FAM174B: variants seen among roughly 807,000 people sequenced by gnomAD.
FAM174B encodes membrane protein FAM174B.
Under a neutral mutation model 10.9 loss-of-function variants are expected in FAM174B, and 12 were observed. That is an observed-to-expected ratio of 1.10 (90% CI 0.71 to 1.79). The LOEUF (loss-of-function observed/expected upper bound fraction) is 1.79, where lower values mean the gene tolerates loss of function less well. Ranked by LOEUF, FAM174B falls within the 40% of genes most tolerant of loss-of-function variation. The pLI is 0.00. For synonymous variants in FAM174B, 132 were observed against 115.8 expected, an observed-to-expected ratio of 1.14 and a Z score of -0.90; for missense variants, 266 against 233.3, an observed-to-expected ratio of 1.14 and a Z score of -0.91.
chr15:92,641,797 G>GA (rs1414111523), intron 1 of FAM174B, among the ~76,000 whole-genome samples: 1 of 151,876 alleles, frequency 6.6e-6, no homozygotes, highest in Non-Finnish European at 1.5e-5. Flanking sequence ...AGCAACAAAA[G>GA]AAAAAACTAG....
In FAM174B at chr15:92,655,403, CGGA is replaced by C. The variant is rs764461501; in HGVS notation, c.254_256del (p.Leu85del). The C allele has an allele frequency of 2.1e-5, 33 of 1,600,054 alleles. No homozygotes were observed. The highest frequency in any genetic ancestry group is 2.6e-5 in the Non-Finnish European group (31 of 1,174,414). ...GGCTGCCTTGAGGGTGGGTAGGTCGCGGAGGAGGATGGAAATGCGGGTCACCAA... is the reference window on the plus strand; with the variant it reads ...GGCTGCCTTGAGGGTGGGTAGGTCGCGGAGGATGGAAATGCGGGTCACCAA... On this transcript the variant is annotated inframe_deletion, in exon 1 of 3. Coordinates refer to ENST00000327355, the MANE Select transcript of FAM174B (RefSeq NM_207446.3).
At chr15:92,634,237 T>C (rs1277294119) in intron 1 of FAM174B, 1 of 152,234 alleles carries the variant, frequency 6.6e-6, no homozygotes, top group Non-Finnish European at 1.5e-5. Context: ...TGAGGAGTCA[T>C]AGTCATGTTT....
chr15:92,642,487 G>C (rs2050898142), intron 1 of FAM174B, among the ~76,000 whole-genome samples: 1 of 152,204 alleles, frequency 6.6e-6, no homozygotes, highest in African/African-American at 2.4e-5. Context: ...CCCATGTGTT[G>C]TGAGAGGGAC....
At position 92,618,744 on chromosome 15, in the gene FAM174B, GCACA is replaced by G. The variant is rs10557124; in HGVS notation, c.*708_*711del. 226 of 150,378 alleles carry G rather than the reference GCACA, an allele frequency of 1.5e-3. No individual in the cohort carries two copies. Among genetic ancestry groups the G allele is most frequent in the Admixed American group, 2.4e-3 (37 of 15,598 alleles). The allele number at this position is 150,378 out of a possible 1,614,324, so 9.3% of individuals were successfully genotyped here. A position where few individuals can be genotyped will look rare whatever the true frequency, so the allele number is the denominator to read the frequency against. On this transcript the variant is annotated 3_prime_UTR_variant, in exon 3 of 3. Transcript: ENST00000327355. ...CACACACGTGCACACGCACACACGT[GCACA>G]CACACACACACACACACGCACAGTT... is the stretch of plus-strand genomic sequence containing the variant.
rs1007174038 is a variant in FAM174B at position 92,655,394 on chromosome 15, G to C, written c.266C>G (p.Pro89Arg). The C allele has an allele frequency of 6.3e-7, 1 of 1,595,150 alleles. No individual in the cohort carries two copies. The highest frequency in any genetic ancestry group is 8.5e-7 in the Non-Finnish European group (1 of 1,171,722). Residue 89 changes from proline to arginine, a missense_variant, in exon 1 of 3, where the codon CCC (proline) becomes CGC (arginine). Physicochemically the swap from Pro to Arg is moderately radical, Grantham distance 103. Coordinates refer to ENST00000327355, the MANE Select transcript of FAM174B (RefSeq NM_207446.3). ...CACGATCACGGCTGCCTTGAGGGTG[G>C]GTAGGTCGCGGAGGAGGATGGAAAT... Reference protein sequence around the residue: ...TRISILLRDLPTLKAAVIVAF... With the variant: ...TRISILLRDLRTLKAAVIVAF...
rs2050704010 is a variant in FAM174B, at chr15:92,619,446, G to C, written c.*10C>G. 7 of 1,613,806 alleles carry C rather than the reference G, an allele frequency of 4.3e-6. No individual in the cohort carries two copies. Among genetic ancestry groups the C allele is most frequent in the African/African-American group, 2.7e-5 (2 of 74,888 alleles). The stretch of plus-strand genomic sequence containing the variant: ...TTTCCACAGGATGCCACCAGGCTGG[G>C]AAACAGGTTTTACCTAAAAGAAAGG... On this transcript the variant is annotated 3_prime_UTR_variant, in exon 3 of 3. Coordinates refer to ENST00000327355, the MANE Select transcript of FAM174B (RefSeq NM_207446.3).
Position 92,630,253 on chromosome 15 carries a change from T to C in FAM174B, c.437A>G (p.Asp146Gly), listed in dbSNP as rs201157540. Residue 146 changes from aspartate to glycine, a missense_variant, in exon 2 of 3, where the codon GAT becomes GGT. Coordinates refer to ENST00000327355, the MANE Select transcript of FAM174B (RefSeq NM_207446.3). ...GAATACTGTGGAGTCCTCATCTTCATCATCCTCTTCATTTAGTGGCGCCAT... is the reference window on the plus strand; with the variant it reads ...GAATACTGTGGAGTCCTCATCTTCACCATCCTCTTCATTTAGTGGCGCCAT... ...VEMAPLNEED[D>G]EDEDSTVFDI... The C allele has an allele frequency of 2.3e-5, 37 of 1,613,060 alleles. No homozygotes were observed. The Admixed American group carries it at 4.0e-4, about 17-fold the overall frequency.
intron 1 of FAM174B, among the ~76,000 whole-genome samples, chr15:92,653,862 G>A (rs760167290): frequency 2.6e-4 from 40 of 152,384 alleles, no homozygotes; most frequent in African/African-American, 7.7e-4. Flanking sequence ...CGTTGCAGAC[G>A]GGGGCCAGCT....
chr15:92,642,844 A>G (rs1220908668), intron 1 of FAM174B, among the ~76,000 whole-genome samples: 4 of 152,258 alleles, frequency 2.6e-5, no homozygotes, highest in Non-Finnish European at 5.9e-5. Flanking sequence ...TCGATGGAAC[A>G]TAACGGCAAT....
intron 1 of FAM174B, among the ~76,000 whole-genome samples, chr15:92,646,645 G>A (rs1261869096): frequency 1.3e-5 from 2 of 152,192 alleles, no homozygotes; most frequent in African/African-American, 4.8e-5. Context: ...GACCCTCTAA[G>A]TCTGACAAGA....
At chr15:92,635,001 T>C (rs565185806) in intron 1 of FAM174B, among the ~76,000 whole-genome samples, 12 of 152,180 alleles carry the variant, frequency 7.9e-5, no homozygotes, top group Non-Finnish European at 1.6e-4. Flanking sequence ...AGGCTGGACC[T>C]TATACCATCA....
intron 1 of FAM174B, among the ~76,000 whole-genome samples, chr15:92,632,425 C>G (rs1567045853): frequency 6.6e-6 from 1 of 152,194 alleles, no homozygotes; most frequent in East Asian, 1.9e-4. Context: ...TGCCTATAGT[C>G]CCAACTACTC....
intron 2 of FAM174B, among the ~76,000 whole-genome samples, chr15:92,627,609 A>T (rs557780773): frequency 6.6e-6 from 1 of 152,194 alleles, no homozygotes; most frequent in Non-Finnish European, 1.5e-5. Context: ...GTCTTCTCTT[A>T]TTCAGTGGGA....
chr15:92,623,591 G>A (rs141849954), intron 2 of FAM174B, among the ~76,000 whole-genome samples: 7 of 152,276 alleles, frequency 4.6e-5, no homozygotes, highest in South Asian at 2.1e-4. Flanking sequence ...AAGCTTGTCC[G>A]GCAGGCAAAA....
At chr15:92,633,706 G>C (rs1276267770) in intron 1 of FAM174B, among the ~76,000 whole-genome samples, 1 of 152,118 alleles carries the variant, frequency 6.6e-6, no homozygotes, top group Admixed American at 6.6e-5. Flanking sequence ...AGTAGCCCTG[G>C]GACAACAGTA....
chr15:92,646,915 A>T (rs1266489227), intron 1 of FAM174B, among the ~76,000 whole-genome samples: 1 of 152,104 alleles, frequency 6.6e-6, no homozygotes, highest in South Asian at 2.1e-4. Flanking sequence ...ATGTCTCCCT[A>T]ATATGTATAA....
chr15:92,649,900 G>T (rs904993433), intron 1 of FAM174B, among the ~76,000 whole-genome samples: 7 of 152,192 alleles, frequency 4.6e-5, no homozygotes, highest in Non-Finnish European at 8.8e-5. Flanking sequence ...GAAAGAAGAT[G>T]AACATTTGTC....
At chr15:92,641,243 A>G (rs1415068214) in intron 1 of FAM174B, among the ~76,000 whole-genome samples, 1 of 152,242 alleles carries the variant, frequency 6.6e-6, no homozygotes, top group Non-Finnish European at 1.5e-5. Context: ...GGATGTACAG[A>G]AACACTCTCT....
In FAM174B at chr15:92,655,478, G is replaced by T; in HGVS notation, c.182C>A (p.Ala61Glu). 3 of 1,551,562 alleles carry T rather than the reference G, an allele frequency of 1.9e-6. No individual in the cohort carries two copies. Among genetic ancestry groups the T allele is most frequent in the Non-Finnish European group, 2.6e-6 (3 of 1,151,898 alleles). ...PGNTTRFGSG[A>E]AGGSGSSSSN... The stretch of plus-strand genomic sequence containing the variant: ...GCTGGAGCTGCCGCTGCCGCCCGCC[G>T]CCCCAGACCCAAACCGGGTGGTGTT... Residue 61 changes from alanine (A) to glutamate (E), a missense_variant, in exon 1 of 3, where the codon GCG becomes GAG. Coordinates refer to ENST00000327355, the MANE Select transcript of FAM174B (RefSeq NM_207446.3).
Sources: allele counts gnomAD v4.1 joint callset (sites outside exome capture counted in the v4.1 genomes callset), GRCh38; gene constraint gnomAD v4.1.1; transcripts MANE v1.5; gene names NCBI Gene and HGNC (gene_info 2026-07-23, HGNC 2026-07-21).